RFTN1: variants seen among roughly 807,000 people sequenced by gnomAD.
RFTN1 encodes the protein raftlin.
In RFTN1, 26 loss-of-function variants were observed where a neutral mutation model predicts 46.5. The observed-to-expected ratio is 0.56, with a 90% CI of 0.41 to 0.78. The LOEUF (loss-of-function observed/expected upper bound fraction) is 0.78, where lower values mean the gene tolerates loss of function less well. RFTN1 is among the 30% of genes least tolerant of loss of function. The pLI, the probability that RFTN1 is intolerant of heterozygous loss-of-function variation, is 0.00. For synonymous variants in RFTN1, 261 were observed against 284.2 expected, an observed-to-expected ratio of 0.92 and a Z score of 0.82; for missense variants, 693 against 718.7, an observed-to-expected ratio of 0.96 and a Z score of 0.41.
rs1274648716 is a variant in RFTN1, at chr3:16,352,401, G to T, written c.1146+5531C>A. On this transcript the variant is annotated intron_variant, in intron 7 of 9. Transcript: ENST00000334133. The surrounding 1 kb of genome is among the most constrained non-coding windows in gnomAD (Gnocchi z 4.6). ...TGCTCTTTACCTATTCATCTATGTA[G>T]TTTTTTCCTTTCCTTTCCAAGAATT... Among the ~76,000 whole-genome samples the T allele has an allele frequency of 6.6e-6, 1 of 152,176 alleles. No homozygotes were observed. Among genetic ancestry groups the T allele is most frequent in the East Asian group, 1.9e-4 (1 of 5,202 alleles).
Position 16,377,850 on chromosome 3 carries a change from G to C in RFTN1, c.694C>G (p.Pro232Ala), listed in dbSNP as rs372846987. Residue 232 changes from proline to alanine, a missense_variant, in exon 5 of 10, where the codon CCC becomes GCC. Physicochemically the swap from Pro to Ala is conservative, Grantham distance 27 (BLOSUM62 -1). Transcript: ENST00000334133. ...EPSSGPRGEV[P>A]LAKQPSSPSG... ...GGTGAGCTGGGCTGCTTGGCGAGGG[G>C]CACCTCCCCTCTGGGGCCTGAGCTG... 22 of 1,614,068 alleles carry C rather than the reference G, an allele frequency of 1.4e-5. No individual in the cohort carries two copies. In the African/African-American group the frequency reaches 2.7e-4, roughly 20 times the overall value.
rs1575307145 is a variant in RFTN1 at position 16,447,508 on chromosome 3, C to A, written c.146-13471G>T. 1.3e-5 allele frequency among the ~76,000 whole-genome samples: 2 copies of A among 152,156 alleles called. No individual in the cohort carries two copies. Among genetic ancestry groups the A allele is most frequent in the Admixed American group, 6.5e-5 (1 of 15,286 alleles). On this transcript the variant is annotated intron_variant, in intron 2 of 9. Coordinates refer to ENST00000334133, the MANE Select transcript of RFTN1 (RefSeq NM_015150.2). The surrounding 1 kb of genome is among the most constrained non-coding windows in gnomAD (Gnocchi z 5.9). The stretch of plus-strand genomic sequence containing the variant: ...TATGTAAGAGATGGCATTTAGGATG[C>A]CTTGGGATTCTGCTTTTCAGAGGCA...
chr3:16,332,733 G>A (rs1475931874), intron 7 of RFTN1, among the ~76,000 whole-genome samples: 1 of 152,140 alleles, frequency 6.6e-6, no homozygotes, highest in Non-Finnish European at 1.5e-5. Flanking sequence ...TGCTAAATTA[G>A]TTAGATTCCT....
rs532355721 is a variant in RFTN1 at position 16,421,677 on chromosome 3, C to A, written c.332+12174G>T. Among the ~76,000 whole-genome samples, 17 of 152,060 alleles carry A rather than the reference C, an allele frequency of 1.1e-4. No individual in the cohort carries two copies. Among genetic ancestry groups the A allele is most frequent in the Admixed American group, 6.6e-5 (1 of 15,244 alleles). On this transcript the variant is annotated intron_variant, in intron 3 of 9. Transcript: ENST00000334133. The surrounding 1 kb of genome is among the most constrained non-coding windows in gnomAD (Gnocchi z 4.6). ...ACATTGGTGTTTTAATCTCATACTG[C>A]GTCCCACAAAGCTCTTATGGGCAGA...
chr3:16,364,848 G>A (rs369957533), intron 6 of RFTN1, among the ~76,000 whole-genome samples: 46 of 152,318 alleles, frequency 3.0e-4, no homozygotes, highest in African/African-American at 1.1e-3. Flanking sequence ...AGTGTTTCAA[G>A]TAGGGACTGT....
In RFTN1 at chr3:16,370,104, G is replaced by A. The variant is rs147142103; in HGVS notation, c.1002C>T (p.Asn334=). The part of the protein sequence containing the change: ...DHFRKGGMLV[N]AVFYLGIVND... ...TCACTATTCCAAGGTAGAAGACTGC[G>A]TTCACCAGCATGCCTCCTTTCCGGA... is the stretch of plus-strand genomic sequence containing the variant. Residue 334 remains asparagine, a synonymous_variant, in exon 6 of 10, where the codon AAC becomes AAT. Transcript: ENST00000334133. This position sits in a 1 kb window ranked among gnomAD's most constrained non-coding sequence, Gnocchi z 5.5. 3,068 of 1,614,186 alleles carry A rather than the reference G, an allele frequency of 1.9e-3. 11 individuals are homozygous for A. Among genetic ancestry groups the A allele is most frequent in the Middle Eastern group, 3.5e-3 (21 of 6,062 alleles).
intron 2 of RFTN1, among the ~76,000 whole-genome samples, chr3:16,441,299 TAAAA>T (rs59877269): frequency 1.1e-4 from 5 of 47,554 alleles, no homozygotes; most frequent in Non-Finnish European, 1.5e-4. Context: ...TTCCAAGAAC[TAAAA>T]AAAAAAAAAA....
chr3:16,345,817 TGCGCGCGCGC>T lies in RFTN1; in HGVS notation c.1146+12105_1146+12114del, dbSNP rs1553726165. ...GTGTGTGTGTGTGTGTGTGTGTGTG[TGCGCGCGCGC>T]GTGCGCGCACGCGCACATGTGCATG... On this transcript the variant is annotated intron_variant, in intron 7 of 9. Transcript: ENST00000334133. The surrounding 1 kb of genome is among the most constrained non-coding windows in gnomAD (Gnocchi z 5.2). Among the ~76,000 whole-genome samples, 2,745 of 74,500 alleles carry T rather than the reference TGCGCGCGCGC, an allele frequency of 0.037. 38 individuals carry two copies. The highest frequency in any genetic ancestry group is 0.1 in the Middle Eastern group (15 of 148). 48.9% of individuals were successfully genotyped at this position (74,500 alleles called of 152,430 possible).
chr3:16,437,000 G>A (rs1360513861), intron 2 of RFTN1, among the ~76,000 whole-genome samples: 1 of 152,152 alleles, frequency 6.6e-6, no homozygotes, highest in Non-Finnish European at 1.5e-5. Flanking sequence ...ATCATAGCTT[G>A]ACTGAGAATG....
intron 2 of RFTN1, among the ~76,000 whole-genome samples, chr3:16,441,448 G>T (rs2075622642): frequency 1.3e-5 from 2 of 152,206 alleles, no homozygotes; most frequent in African/African-American, 4.8e-5. Flanking sequence ...ACATTCCACA[G>T]CTCCATTTAT....
intron 2 of RFTN1, 56 bp from the exon 3 acceptor site, chr3:16,434,093 C>T: frequency 6.3e-6 from 9 of 1,425,696 alleles, no homozygotes; most frequent in Non-Finnish European, 8.4e-6. Flanking sequence ...CCACTCAGCC[C>T]TGCCCAAACC....
At chr3:16,464,198 T>C (rs377528661) in intron 2 of RFTN1, among the ~76,000 whole-genome samples, 1 of 152,050 alleles carries the variant, frequency 6.6e-6, no homozygotes, top group Non-Finnish European at 1.5e-5. Context: ...TCCACTCCAG[T>C]CCCAAGAGAA....
At position 16,422,929 on chromosome 3, in the gene RFTN1, G is replaced by T. The variant is rs190415366; in HGVS notation, c.332+10922C>A. Among the ~76,000 whole-genome samples, 517 of 152,196 alleles carry T rather than the reference G, an allele frequency of 3.4e-3. 3 individuals are homozygous for T. Among genetic ancestry groups the T allele is most frequent in the Admixed American group, 7.1e-3 (108 of 15,290 alleles). ...CGCCTGTAATCCCAGCACTTTGGGA[G>T]GCCGAAGTGGGTGGATCATGAGGTC... is the stretch of plus-strand genomic sequence containing the variant. On this transcript the variant is annotated intron_variant, in intron 3 of 9. Transcript: ENST00000334133. The surrounding 1 kb of genome is among the most constrained non-coding windows in gnomAD (Gnocchi z 4.6).
rs999409369 is a variant in RFTN1 at position 16,465,454 on chromosome 3, A to C, written c.145+28271T>G. Among the ~76,000 whole-genome samples, 29 of 144,780 alleles carry C rather than the reference A, an allele frequency of 2.0e-4. No individual in the cohort carries two copies. Among genetic ancestry groups the C allele is most frequent in the African/African-American group, 2.8e-4 (10 of 35,416 alleles). 95.0% of individuals were successfully genotyped at this position (144,780 alleles called of 152,430 possible). ...CACACACACACACACACACACACACACCCCATGCCTGATTAAACAAAATAA... is the reference window on the plus strand; with the variant it reads ...CACACACACACACACACACACACACCCCCCATGCCTGATTAAACAAAATAA... On this transcript the variant is annotated intron_variant, in intron 2 of 9. Transcript: ENST00000334133. The surrounding 1 kb of genome is among the most constrained non-coding windows in gnomAD (Gnocchi z 5.1).
chr3:16,501,729 A>C (rs999836754), intron 1 of RFTN1, among the ~76,000 whole-genome samples: 8 of 152,278 alleles, frequency 5.3e-5, no homozygotes, highest in Non-Finnish European at 1.0e-4. Context: ...CAAATTAAAA[A>C]GTCTTTACAT....
chr3:16,437,182 C>A (rs1486958484), intron 2 of RFTN1, among the ~76,000 whole-genome samples: 5 of 152,326 alleles, frequency 3.3e-5, no homozygotes, highest in South Asian at 2.1e-4. Flanking sequence ...TGGAATAATA[C>A]ATTTTCCTTT....
Position 16,400,654 on chromosome 3 carries a change from T to C in RFTN1, c.441+8721A>G, listed in dbSNP as rs1357519014. On this transcript the variant is annotated intron_variant, in intron 4 of 9. Transcript: ENST00000334133. The surrounding 1 kb of genome is among the most constrained non-coding windows in gnomAD (Gnocchi z 4.5). Reference sequence around the variant, plus strand: ...AAATGAAGCACAAGAAAGTATCTCCTTTTTTGGGGAGTGATTGAGACAAGC... The same window carrying C: ...AAATGAAGCACAAGAAAGTATCTCCCTTTTTGGGGAGTGATTGAGACAAGC... 6.6e-6 allele frequency among the ~76,000 whole-genome samples: 1 copy of C among 152,186 alleles called. No individual in the cohort carries two copies. Among genetic ancestry groups the C allele is most frequent in the Non-Finnish European group, 1.5e-5 (1 of 68,030 alleles).
Position 16,460,869 on chromosome 3 carries a change from T to C in RFTN1, c.146-26832A>G, listed in dbSNP as rs2075998474. ...CCCACCTACCCACCCCAGAATTTCT[T>C]ACCCTTCATAAGGCAGCCCCTACTC... On this transcript the variant is annotated intron_variant, in intron 2 of 9. Coordinates refer to ENST00000334133, the MANE Select transcript of RFTN1 (RefSeq NM_015150.2). The surrounding 1 kb of genome is among the most constrained non-coding windows in gnomAD (Gnocchi z 4.8). 6.6e-6 allele frequency among the ~76,000 whole-genome samples: 1 copy of C among 152,196 alleles called. No homozygotes were observed. Among genetic ancestry groups the C allele is most frequent in the Admixed American group, 6.5e-5 (1 of 15,290 alleles).
At position 16,457,741 on chromosome 3, in the gene RFTN1, A is replaced by G. The variant is rs1358408510; in HGVS notation, c.146-23704T>C. On this transcript the variant is annotated intron_variant, in intron 2 of 9. Transcript: ENST00000334133. This position sits in a 1 kb window ranked among gnomAD's most constrained non-coding sequence, Gnocchi z 4.2. ...AACTATTAGACAAAGGAGACTTTTT[A>G]CCATTAAGACTTAATTCGATAGACA... is the stretch of plus-strand genomic sequence containing the variant. Among the ~76,000 whole-genome samples the G allele has an allele frequency of 6.6e-6, 1 of 152,198 alleles. No homozygotes were observed. Among genetic ancestry groups the G allele is most frequent in the Non-Finnish European group, 1.5e-5 (1 of 68,042 alleles).
Sources: gnomAD v4.1 joint callset for allele counts (sites outside exome capture counted in the v4.1 genomes callset) on GRCh38, gnomAD v4.1.1 for gene constraint, Gnocchi (gnomAD v3.1) non-coding constraint, MANE v1.5 for transcripts, NCBI Gene and HGNC (gene_info 2026-07-23, HGNC 2026-07-21) for gene names.